Variants in SLC26A7 observed in about 807,000 individuals in gnomAD.
SLC26A7 encodes anion exchange transporter.
In SLC26A7, 59 loss-of-function variants were observed where a neutral mutation model predicts 82.5. The ratio of observed to expected loss-of-function variants is 0.72; its 90% CI spans 0.58 to 0.89. The LOEUF (loss-of-function observed/expected upper bound fraction) is 0.89. Among genes scored for constraint, SLC26A7 ranks in the 40% least tolerant of loss-of-function variants. The pLI is 0.00. For synonymous variants in SLC26A7, 271 were observed against 274.3 expected, an observed-to-expected ratio of 0.99 and a Z score of 0.12; for missense variants, 820 against 793.0, an observed-to-expected ratio of 1.03 and a Z score of -0.41.
intron 9 of SLC26A7, among the ~76,000 whole-genome samples, chr8:91,349,164 G>T (rs995054119): frequency 5.3e-5 from 8 of 152,180 alleles, no homozygotes; most frequent in African/African-American, 1.9e-4. Flanking sequence ...AGAGTTTCTT[G>T]TCTGATTAGA....
At chr8:91,275,799 G>A (rs1324915611) in intron 2 of SLC26A7, among the ~76,000 whole-genome samples, 1 of 152,158 alleles carries the variant, frequency 6.6e-6, no homozygotes, top group East Asian at 1.9e-4. Flanking sequence ...TGTGAGAAGG[G>A]AGTGCTGGCC....
chr8:91,218,179 C>T (rs1163618426), intron 1 of SLC26A7, among the ~76,000 whole-genome samples: 2 of 152,100 alleles, frequency 1.3e-5, no homozygotes, highest in African/African-American at 4.8e-5. Flanking sequence ...AAATATTTCC[C>T]AGTTACCAGT....
At chr8:91,209,699 G>C (rs1283543500) in intron 1 of SLC26A7, among the ~76,000 whole-genome samples, 1 of 152,116 alleles carries the variant, frequency 6.6e-6, no homozygotes, top group South Asian at 2.1e-4. Flanking sequence ...AGAGTTTAAT[G>C]CTGTGATTAG....
intron 2 of SLC26A7, among the ~76,000 whole-genome samples, chr8:91,281,639 G>A (rs922940815): frequency 2.0e-5 from 3 of 152,168 alleles, no homozygotes; most frequent in African/African-American, 7.2e-5. Flanking sequence ...GGATGTGAAA[G>A]TTTCCCAAGC....
rs1586387499 is a variant in SLC26A7 at position 91,305,977 on chromosome 8, G to A, written c.477+10274G>A. Among the ~76,000 whole-genome samples the A allele has an allele frequency of 3.9e-5, 6 of 152,246 alleles. 1 individual carries two copies. Among genetic ancestry groups the A allele is most frequent in the Admixed American group, 3.9e-4 (6 of 15,284 alleles). On this transcript the variant is annotated intron_variant, in intron 4 of 18. Coordinates refer to ENST00000276609, the MANE Select transcript of SLC26A7 (RefSeq NM_052832.4). ...ACCATAGTTCTTGGCAAGATCAGAT[G>A]TTTAATGAATGTATGGAAAAGTGAT...
At chr8:91,226,020 C>T (rs1050283712) in intron 2 of SLC26A7, among the ~76,000 whole-genome samples, 3 of 152,126 alleles carry the variant, frequency 2.0e-5, no homozygotes, top group African/African-American at 7.2e-5. Flanking sequence ...TTAACAGAAT[C>T]CTCTTCTGTA....
At chr8:91,237,458 C>T (rs972736242) in intron 2 of SLC26A7, among the ~76,000 whole-genome samples, 3 of 152,154 alleles carry the variant, frequency 2.0e-5, no homozygotes, top group Admixed American at 6.5e-5. Context: ...CTCTCTATTT[C>T]AGATTCTCTC....
chr8:91,318,174 G>A (rs1379842580), intron 4 of SLC26A7, 42 bp from the exon 5 acceptor site: 5 of 1,547,332 alleles, frequency 3.2e-6, no homozygotes, highest in Admixed American at 1.9e-5. Flanking sequence ...ACTTTGGGGA[G>A]TTTCATCTGA....
intron 1 of SLC26A7, among the ~76,000 whole-genome samples, chr8:91,214,166 A>G (rs933549089): frequency 6.6e-6 from 1 of 152,102 alleles, no homozygotes; most frequent in African/African-American, 2.4e-5. Context: ...AAAAGCAAGG[A>G]AAGTATCATA....
chr8:91,307,094 A>G (rs1328933072), intron 4 of SLC26A7, among the ~76,000 whole-genome samples: 3 of 135,484 alleles, frequency 2.2e-5, no homozygotes, highest in African/African-American at 8.5e-5. Flanking sequence ...CAAAACCACA[A>G]TGAGATACCA....
intron 5 of SLC26A7, among the ~76,000 whole-genome samples, chr8:91,325,428 AC>A (rs1812904922): frequency 6.6e-6 from 1 of 152,138 alleles, no homozygotes. Context: ...CCCTTCAGGA[AC>A]GGAGGGTGAA....
At chr8:91,258,978 G>T (rs1810884823) in intron 2 of SLC26A7, among the ~76,000 whole-genome samples, 1 of 152,038 alleles carries the variant, frequency 6.6e-6, no homozygotes, top group Admixed American at 6.6e-5. Context: ...GCTCTGTGTT[G>T]TTCCCTTGCT....
At chr8:91,229,801 T>C (rs1359122776) in intron 2 of SLC26A7, among the ~76,000 whole-genome samples, 1 of 152,146 alleles carries the variant, frequency 6.6e-6, no homozygotes, top group Non-Finnish European at 1.5e-5. Flanking sequence ...CAAATAAAAA[T>C]ATAGAATGCC....
chr8:91,375,765 C>T (rs1814498747), intron 15 of SLC26A7, among the ~76,000 whole-genome samples: 1 of 149,240 alleles, frequency 6.7e-6, no homozygotes, highest in South Asian at 2.1e-4. Context: ...TTTCTTGTAT[C>T]TGGATAATTA....
chr8:91,340,421 C>T lies in SLC26A7; in HGVS notation c.896C>T (p.Ala299Val). Residue 299 changes from alanine to valine, a missense_variant, in exon 8 of 19, where the codon GCT becomes GTT. Ala to Val is a moderately conservative substitution (Grantham distance 64). Coordinates refer to ENST00000276609, the MANE Select transcript of SLC26A7 (RefSeq NM_052832.4). ...HIPQGIPSPR[A>V]PPMNILSAVI... ...TTCCACAGAATTCCCTCACCTAGAG[C>T]TCCCCCGATGAACATCCTCTCTGCG... 6.2e-7 allele frequency: 1 copy of T among 1,613,904 alleles called. No homozygotes were observed. Among genetic ancestry groups the T allele is most frequent in the Non-Finnish European group, 8.5e-7 (1 of 1,179,868 alleles).
At chr8:91,271,090 T>A (rs1239895615) in intron 2 of SLC26A7, among the ~76,000 whole-genome samples, 1 of 152,212 alleles carries the variant, frequency 6.6e-6, no homozygotes, top group Non-Finnish European at 1.5e-5. Flanking sequence ...TAGCTTTACC[T>A]GTTCTTGCAT....
At chr8:91,235,512 C>A (rs947826639) in intron 2 of SLC26A7, among the ~76,000 whole-genome samples, 2 of 151,812 alleles carry the variant, frequency 1.3e-5, no homozygotes, top group Non-Finnish European at 2.9e-5. Flanking sequence ...ACAGTGTAAG[C>A]CATGAAATAT....
chr8:91,211,621 T>TA (rs1441573283), intron 1 of SLC26A7, among the ~76,000 whole-genome samples: 29 of 144,952 alleles, frequency 2.0e-4, no homozygotes, highest in Non-Finnish European at 3.8e-4. Flanking sequence ...TATATATTTT[T>TA]TTTTTATTTT....
In SLC26A7 at chr8:91,279,721, G is replaced by A. The variant is rs534087432; in HGVS notation, c.194-9415G>A. Among the ~76,000 whole-genome samples the A allele has an allele frequency of 3.5e-4, 53 of 152,042 alleles. No individual in the cohort carries two copies. The East Asian group carries it at 9.3e-3, about 27-fold the overall frequency. Reference sequence around the variant, plus strand: ...ACTATAGGCGTCCACCACCACGCCCGGCTAATTTTTTGTATTTTTAGTAGA... The same window carrying A: ...ACTATAGGCGTCCACCACCACGCCCAGCTAATTTTTTGTATTTTTAGTAGA... On this transcript the variant is annotated intron_variant, in intron 2 of 18. Transcript: ENST00000276609.
Sources: gnomAD v4.1 joint callset for allele counts (sites outside exome capture counted in the v4.1 genomes callset) on GRCh38, gnomAD v4.1.1 for gene constraint, MANE v1.5 for transcripts, NCBI Gene and HGNC (gene_info 2026-07-23, HGNC 2026-07-21) for gene names.